The following SLC17A1 variants were observed in gnomAD, a reference collection of about 807,000 sequenced individuals.
SLC17A1 encodes sodium-dependent phosphate transport protein 1.
In SLC17A1, 51 loss-of-function variants were observed where a neutral mutation model predicts 53.5. That is an observed-to-expected ratio of 0.95 (90% CI 0.76 to 1.20). The LOEUF (loss-of-function observed/expected upper bound fraction) is 1.20, where lower values mean the gene tolerates loss of function less well. Ranked by LOEUF, SLC17A1 falls within the 50% of genes most tolerant of loss-of-function variation. SLC17A1 has a pLI of 0.00. For missense variants in SLC17A1, 538 were observed against 568.2 expected, an observed-to-expected ratio of 0.95 and a Z score of 0.54; for synonymous variants, 179 against 198.8, an observed-to-expected ratio of 0.90 and a Z score of 0.84.
chr6:25,741,741 G>GA, the SLC17A1 span, among the ~76,000 whole-genome samples: 11 of 149,188 alleles, frequency 7.4e-5, no homozygotes, highest in African/African-American at 1.5e-4. Context: ...AATACAAAAA[G>GA]AAAAAAAAAA....
chr6:25,778,893 T>C (rs79672074), downstream of SLC17A1, among the ~76,000 whole-genome samples: 8,810 of 152,250 alleles, frequency 0.058, 723 homozygotes, highest in African/African-American at 0.18. Flanking sequence ...TTTGGACTCA[T>C]GGCAGAAATG....
chr6:25,789,816 T>C (rs1347127485), intron 12 of SLC17A1, among the ~76,000 whole-genome samples: 2 of 152,064 alleles, frequency 1.3e-5, no homozygotes, highest in East Asian at 3.8e-4. Context: ...CTGAAGTGAA[T>C]CTTTTGGCCG....
chr6:25,731,907 T>C, the SLC17A1 span: 3 of 1,602,504 alleles, frequency 1.9e-6, no homozygotes, highest in Non-Finnish European at 2.6e-6. Context: ...GGTCGAGCGC[T>C]TGTCATAATG....
chr6:25,794,711 A>G (rs1763569337), intron 12 of SLC17A1, among the ~76,000 whole-genome samples: 1 of 152,294 alleles, frequency 6.6e-6, no homozygotes, highest in South Asian at 2.1e-4. Flanking sequence ...TTCGAAGGGA[A>G]GAGAGGTGGA....
the SLC17A1 span, among the ~76,000 whole-genome samples, chr6:25,753,625 A>T: frequency 3.9e-5 from 6 of 152,182 alleles, no homozygotes; most frequent in African/African-American, 1.4e-4. Flanking sequence ...ATTAATGTTG[A>T]TGGAAAGTAT....
chr6:25,745,591 C>A, the SLC17A1 span, among the ~76,000 whole-genome samples: 4 of 152,296 alleles, frequency 2.6e-5, no homozygotes, highest in Admixed American at 2.6e-4. Context: ...TTTCCCTTCA[C>A]TAAAAAACAT....
At position 25,812,997 on chromosome 6, in the gene SLC17A1, A is replaced by G. The variant is rs1481948666; in HGVS notation, c.736-5T>C. 1 of 1,613,728 alleles carries G rather than the reference A, an allele frequency of 6.2e-7. No individual in the cohort carries two copies. The highest frequency in any genetic ancestry group is 8.5e-7 in the Non-Finnish European group (1 of 1,179,858). On this transcript the variant is annotated splice_region_variant and splice_polypyrimidine_tract_variant and intron_variant, in intron 7 of 12. Coordinates refer to ENST00000244527, the MANE Select transcript of SLC17A1 (RefSeq NM_005074.5). ...AGATTGTCTACTTGAACTGACCTGG[A>G]GAGAAATTCATTAAGAATTAGCACA...
downstream of SLC17A1, chr6:25,779,190 C>A: frequency 6.2e-7 from 1 of 1,613,398 alleles, no homozygotes; most frequent in East Asian, 2.2e-5. Flanking sequence ...CACCTCTGAG[C>A]AAACCGAGAG....
Position 25,830,614 on chromosome 6 carries a change from G to T in SLC17A1, c.-50-7C>A. The T allele has an allele frequency of 6.2e-7, 1 of 1,603,774 alleles. No homozygotes were observed. The highest frequency in any genetic ancestry group is 2.2e-5 in the East Asian group (1 of 44,782). On this transcript the variant is annotated splice_polypyrimidine_tract_variant and splice_region_variant and intron_variant, in intron 1 of 12. Coordinates refer to ENST00000244527, the MANE Select transcript of SLC17A1 (RefSeq NM_005074.5). ...AGGGTTTTGCCTCCACCCACTGTGA[G>T]TGCAAAACACGTTGATGTCAGCATA... is the stretch of plus-strand genomic sequence containing the variant.
chr6:25,830,145 T>C (rs1373999176), intron 2 of SLC17A1, among the ~76,000 whole-genome samples: 2 of 152,200 alleles, frequency 1.3e-5, no homozygotes, highest in African/African-American at 4.8e-5. Context: ...AAATATTCAG[T>C]ACACATTCAG....
At chr6:25,730,518 T>C in the SLC17A1 span, among the ~76,000 whole-genome samples, 1 of 152,136 alleles carries the variant, frequency 6.6e-6, no homozygotes, top group African/African-American at 2.4e-5. Flanking sequence ...TGGGAAGATA[T>C]TGGTTAAAGG....
the SLC17A1 span, among the ~76,000 whole-genome samples, chr6:25,755,048 TACACAC>T: frequency 0.059 from 8,599 of 144,788 alleles, 280 homozygotes; most frequent in African/African-American, 0.082. Flanking sequence ...CACACACACA[TACACAC>T]ACACACACAC....
At chr6:25,755,231 T>C in the SLC17A1 span, among the ~76,000 whole-genome samples, 5 of 152,196 alleles carry the variant, frequency 3.3e-5, no homozygotes, top group African/African-American at 1.2e-4. Context: ...AAGATTTTCA[T>C]CATGCCTAAA....
At chr6:25,746,365 A>C in the SLC17A1 span, among the ~76,000 whole-genome samples, 3 of 137,146 alleles carry the variant, frequency 2.2e-5, no homozygotes, top group South Asian at 7.2e-4. Context: ...TATAAAGGTA[A>C]TTAACTAAAT....
At chr6:25,731,279 GCTATT>G in the SLC17A1 span, among the ~76,000 whole-genome samples, 1 of 152,204 alleles carries the variant, frequency 6.6e-6, no homozygotes, top group East Asian at 1.9e-4. Flanking sequence ...TGCAAAGAGA[GCTATT>G]CTATTTACAT....
At chr6:25,772,698 G>C in the SLC17A1 span, among the ~76,000 whole-genome samples, 1 of 152,146 alleles carries the variant, frequency 6.6e-6, no homozygotes, top group Non-Finnish European at 1.5e-5. Flanking sequence ...GAAGATAAGA[G>C]ATAGATATGG....
At chr6:25,726,751 T>C in the SLC17A1 span, 26 of 1,111,384 alleles carry the variant, frequency 2.3e-5, no homozygotes, top group Non-Finnish European at 3.4e-5. Flanking sequence ...TGCCTATAAA[T>C]ACCGCATCTT....
chr6:25,787,025 A>G (rs952597306), intron 12 of SLC17A1, among the ~76,000 whole-genome samples: 4 of 147,336 alleles, frequency 2.7e-5, no homozygotes, highest in Admixed American at 2.1e-4. Context: ...TTTACTACCT[A>G]AGAGGGCTTA....
the SLC17A1 span, among the ~76,000 whole-genome samples, chr6:25,737,336 C>A: frequency 6.6e-6 from 1 of 152,092 alleles, no homozygotes; most frequent in Admixed American, 6.6e-5. Flanking sequence ...GGCCACTACT[C>A]AGAAGTGGAC....
Sources: allele counts gnomAD v4.1 joint callset (sites outside exome capture counted in the v4.1 genomes callset), GRCh38; gene constraint gnomAD v4.1.1; transcripts MANE v1.5; gene names NCBI Gene and HGNC (gene_info 2026-07-23, HGNC 2026-07-21).